BCR: variants seen among roughly 807,000 people sequenced by gnomAD.
BCR encodes the protein breakpoint cluster region protein.
Under a neutral mutation model 138.6 loss-of-function variants are expected in BCR, and 58 were observed. That is an observed-to-expected ratio of 0.42 (90% confidence interval 0.34 to 0.52). BCR has a LOEUF of 0.52. Among genes scored for constraint, BCR ranks in the 20% least tolerant of loss-of-function variants. The pLI, the probability that BCR is intolerant of heterozygous loss-of-function variation, is 0.06. For synonymous variants in BCR, 786 were observed against 730.1 expected, an observed-to-expected ratio of 1.08 and a Z score of -1.23; for missense variants, 1,599 against 1,727.2, an observed-to-expected ratio of 0.93 and a Z score of 1.32.
intron 1 of BCR, among the ~76,000 whole-genome samples, chr22:23,206,563 C>T (rs923046886): frequency 6.1e-5 from 9 of 146,400 alleles, no homozygotes; most frequent in African/African-American, 1.8e-4. Flanking sequence ...GGCAACATAG[C>T]GAGACTCCGT....
intron 16 of BCR, among the ~76,000 whole-genome samples, chr22:23,297,243 C>CA (rs1462591541): frequency 1.7e-5 from 2 of 117,774 alleles, no homozygotes; most frequent in East Asian, 2.4e-4. Context: ...TTTTTCGAGA[C>CA]AGAGTTTTGC....
chr22:23,231,785 C>G (rs906586810), intron 1 of BCR, among the ~76,000 whole-genome samples: 1 of 152,210 alleles, frequency 6.6e-6, no homozygotes, highest in African/African-American at 2.4e-5. Context: ...ATGTCCCCAC[C>G]CGTGCCTACG....
At chr22:23,227,666 C>T (rs1568943221) in intron 1 of BCR, among the ~76,000 whole-genome samples, 1 of 152,242 alleles carries the variant, frequency 6.6e-6, no homozygotes, top group Non-Finnish European at 1.5e-5. Context: ...TCAGCATTCT[C>T]TCTCCTGTCA....
At chr22:23,195,210 C>G (rs9624050) in intron 1 of BCR, among the ~76,000 whole-genome samples, 1 of 151,492 alleles carries the variant, frequency 6.6e-6, no homozygotes, top group Non-Finnish European at 1.5e-5. Flanking sequence ...CACCTGAGGT[C>G]GGGAGTTTGA....
At chr22:23,200,303 A>G (rs1359766534) in intron 1 of BCR, among the ~76,000 whole-genome samples, 1 of 152,040 alleles carries the variant, frequency 6.6e-6, no homozygotes, top group Non-Finnish European at 1.5e-5. Context: ...TTTGGTTTGA[A>G]GCTCAAAGCG....
At chr22:23,227,053 A>G (rs1241085929) in intron 1 of BCR, among the ~76,000 whole-genome samples, 1 of 151,022 alleles carries the variant, frequency 6.6e-6, no homozygotes, top group Non-Finnish European at 1.5e-5. Flanking sequence ...AGTTCACCTT[A>G]AGCTTTAAAA....
rs1284636277 is a variant in BCR, at chr22:23,180,587, GCGGCA to G, written c.-369_-365del. 115 of 35,818 alleles carry G rather than the reference GCGGCA, an allele frequency of 3.2e-3. No homozygotes were observed. The African/African-American group carries it at 0.07, about 22-fold the overall frequency. 2.2% of individuals were successfully genotyped at this position (35,818 alleles called of 1,614,324 possible). The stretch of plus-strand genomic sequence containing the variant: ...GTCCGAGGAGGCGGCGGCGGCGGCG[GCGGCA>G]CGGCGGCGGCGGGGCTGTGGGGCGG... On this transcript the variant is annotated 5_prime_UTR_variant, in exon 1 of 23. Transcript: ENST00000305877.
chr22:23,182,274 G>T, intron 1 of BCR, 35 bp downstream of exon 1: 1 of 1,498,600 alleles, frequency 6.7e-7, no homozygotes, highest in Non-Finnish European at 8.9e-7. Context: ...GGGCACACCT[G>T]CACGGGGGAG....
intron 1 of BCR, among the ~76,000 whole-genome samples, chr22:23,200,086 CAAAA>C (rs112561203): frequency 9.6e-6 from 1 of 104,050 alleles, no homozygotes; most frequent in African/African-American, 3.2e-5. Context: ...GACTGCGTCT[CAAAA>C]AAAAAAAAAA....
In BCR at chr22:23,296,144, G is replaced by A. The variant is rs2073842456; in HGVS notation, c.3012+989G>A. On this transcript the variant is annotated intron_variant, in intron 16 of 22. Transcript: ENST00000305877. ...AATCCCAGCACTTTGGGAGGCCGAG[G>A]TGGGCGGATCACGAGGTCAGGAGAT... Among the ~76,000 whole-genome samples the A allele has an allele frequency of 5.3e-5, 8 of 152,272 alleles. No individual in the cohort carries two copies. The South Asian group carries it at 1.7e-3, about 32-fold the overall frequency.
intron 1 of BCR, among the ~76,000 whole-genome samples, chr22:23,209,813 A>G (rs1333115590): frequency 6.6e-6 from 1 of 151,628 alleles, no homozygotes; most frequent in African/African-American, 2.4e-5. Context: ...TAATTTTTTT[A>G]GAGATGGGGT....
chr22:23,304,099 AT>A lies in BCR; in HGVS notation c.3013-5301del, dbSNP rs56805241. ...CAGGCATGCGCCACCATGCCAGGCT[AT>A]TTTTTTTTTTTTTTTTTTTTTTTGA... On this transcript the variant is annotated intron_variant, in intron 16 of 22. Coordinates refer to ENST00000305877, the MANE Select transcript of BCR (RefSeq NM_004327.4). Among the ~76,000 whole-genome samples, 761 of 102,166 alleles carry A rather than the reference AT, an allele frequency of 7.4e-3. 3 individuals carry two copies. The highest frequency in any genetic ancestry group is 0.024 in the Middle Eastern group (4 of 168). The allele number at this position is 102,166 out of a possible 152,430, so 67.0% of individuals were successfully genotyped here.
At chr22:23,271,631 A>G in intron 6 of BCR, 39 bp downstream of exon 6, 1 of 1,601,024 alleles carries the variant, frequency 6.2e-7, no homozygotes, top group East Asian at 2.2e-5. Flanking sequence ...TGCCCTCGTC[A>G]GGGAGGCTGC....
chr22:23,270,432 C>G (rs2073496647), intron 5 of BCR, among the ~76,000 whole-genome samples: 1 of 152,250 alleles, frequency 6.6e-6, no homozygotes, highest in South Asian at 2.1e-4. Context: ...AAGCATCACA[C>G]TGTCCACGGA....
intron 1 of BCR, among the ~76,000 whole-genome samples, chr22:23,200,096 A>G (rs1372918132): frequency 6.6e-6 from 1 of 151,970 alleles, no homozygotes; most frequent in Non-Finnish European, 1.5e-5. Flanking sequence ...CAAAAAAAAA[A>G]AAAAAGCAAG....
At position 23,315,327 on chromosome 22, in the gene BCR, C is replaced by T. The variant is rs539492032; in HGVS notation, c.3727-106C>T. On this transcript the variant is annotated intron_variant, in intron 22 of 22. Transcript: ENST00000305877. The stretch of plus-strand genomic sequence containing the variant: ...GGGGTTCATGACACCAGCAGGGGTC[C>T]CCAGCACCTGAGATGGACTTGGAGG... The T allele has an allele frequency of 5.6e-3, 5,784 of 1,026,338 alleles. 143 individuals are homozygous for T. In the African/African-American group the frequency reaches 0.059, roughly 11 times the overall value. 63.6% of individuals were successfully genotyped at this position (1,026,338 alleles called of 1,614,324 possible).
chr22:23,305,587 C>T (rs553789845), intron 16 of BCR, among the ~76,000 whole-genome samples: 10 of 152,320 alleles, frequency 6.6e-5, no homozygotes, highest in East Asian at 3.9e-4. Context: ...AGTTGGGCTT[C>T]GGCCTCCCTC....
intron 1 of BCR, among the ~76,000 whole-genome samples, chr22:23,200,522 G>T (rs1310414344): frequency 6.6e-6 from 1 of 151,594 alleles, no homozygotes; most frequent in Non-Finnish European, 1.5e-5. Context: ...TCACTATGTT[G>T]CCCAGGCTAC....
chr22:23,285,997 G>A (rs890488042), intron 10 of BCR, among the ~76,000 whole-genome samples: 1 of 152,216 alleles, frequency 6.6e-6, no homozygotes, highest in African/African-American at 2.4e-5. Context: ...TCAAGTGTGT[G>A]GTCTCCTGAT....
Sources: gnomAD v4.1 joint callset for allele counts (sites outside exome capture counted in the v4.1 genomes callset) on GRCh38, gnomAD v4.1.1 for gene constraint, MANE v1.5 for transcripts, NCBI Gene and HGNC (gene_info 2026-07-23, HGNC 2026-07-21) for gene names.